Variants in TDRD5 observed in about 807,000 individuals in gnomAD.
TDRD5 encodes the protein tudor domain containing 5.
A neutral mutation model predicts 120.6 loss-of-function variants in TDRD5; 41 were observed. That is an observed-to-expected ratio of 0.34 (90% CI 0.26 to 0.44). TDRD5 has a LOEUF of 0.44. Ranked by LOEUF, TDRD5 falls within the 20% of genes least tolerant of loss-of-function variation. The probability of loss-of-function intolerance (pLI) is 1.00; values close to 1 mark genes in which losing one functional copy is unlikely to be tolerated. For synonymous variants in TDRD5, 430 were observed against 433.7 expected (o/e 0.99, Z 0.11); for missense variants, 1,006 against 1,221.2 (o/e 0.82, Z 2.63).
intron 7 of TDRD5, among the ~76,000 whole-genome samples, chr1:179,633,839 A>T (rs1276062897): frequency 6.6e-6 from 1 of 152,110 alleles, no homozygotes; most frequent in Non-Finnish European, 1.5e-5. Flanking sequence ...AGTAAATTGA[A>T]ATCAAGATGC....
At chr1:179,601,076 C>T (rs937891308) in intron 4 of TDRD5, among the ~76,000 whole-genome samples, 4 of 151,962 alleles carry the variant, frequency 2.6e-5, no homozygotes, top group African/African-American at 9.7e-5. Flanking sequence ...ATGTATTTTG[C>T]TATATTTGAG....
chr1:179,629,893 G>T (rs1677340336), intron 6 of TDRD5, among the ~76,000 whole-genome samples: 1 of 151,668 alleles, frequency 6.6e-6, no homozygotes, highest in South Asian at 2.1e-4. Context: ...TCTTCATTTG[G>T]TATGACTTTT....
intron 17 of TDRD5, among the ~76,000 whole-genome samples, chr1:179,671,191 T>G (rs1430671121): frequency 1.3e-5 from 2 of 152,232 alleles, no homozygotes; most frequent in African/African-American, 2.4e-5. Flanking sequence ...TTCCATTTTG[T>G]CCTCTTGGTC....
intron 8 of TDRD5, 94 bp downstream of exon 8, chr1:179,634,723 G>C: frequency 7.2e-7 from 1 of 1,392,066 alleles, no homozygotes; most frequent in Non-Finnish European, 9.6e-7. Context: ...TTTTAGAAAA[G>C]TCTTATTTCT....
intron 3 of TDRD5, among the ~76,000 whole-genome samples, chr1:179,594,606 A>C (rs1675288818): frequency 6.6e-6 from 1 of 152,280 alleles, no homozygotes; most frequent in South Asian, 2.1e-4. Flanking sequence ...GACAATGTAC[A>C]GTTTACACAC....
At chr1:179,690,445 T>A (rs1029634043) in intron 17 of TDRD5, among the ~76,000 whole-genome samples, 2 of 152,244 alleles carry the variant, frequency 1.3e-5, no homozygotes, top group African/African-American at 4.8e-5. Context: ...TCGTTGTTCA[T>A]GGTATATTTT....
chr1:179,634,407 A>T, intron 7 of TDRD5, 50 bp from the exon 8 acceptor site: 2 of 1,557,796 alleles, frequency 1.3e-6, no homozygotes, highest in Non-Finnish European at 1.7e-6. Flanking sequence ...AGGCTGCTCT[A>T]TTGGCCATTT....
Position 179,645,258 on chromosome 1 carries a change from T to C in TDRD5, c.1800+4813T>C, listed in dbSNP as rs551714878. Among the ~76,000 whole-genome samples the C allele has an allele frequency of 5.4e-3, 814 of 151,054 alleles. 2 individuals carry two copies. The highest frequency in any genetic ancestry group is 0.019 in the African/African-American group (773 of 41,182). On this transcript the variant is annotated intron_variant, in intron 11 of 17. Coordinates refer to ENST00000444136, the MANE Select transcript of TDRD5 (RefSeq NM_001199085.3). ...CCGCCACTACGCCCGGCTAATTTTT[T>C]GTATTTTTAGTAGAGACGGGGTTTC...
intron 14 of TDRD5, among the ~76,000 whole-genome samples, chr1:179,656,688 C>A (rs1285715513): frequency 6.6e-6 from 1 of 152,142 alleles, no homozygotes; most frequent in Non-Finnish European, 1.5e-5. Flanking sequence ...CTCCAGTGAC[C>A]TATATGTTTG....
intron 14 of TDRD5, among the ~76,000 whole-genome samples, chr1:179,658,165 C>T (rs577235222): frequency 6.6e-6 from 1 of 152,150 alleles, no homozygotes; most frequent in South Asian, 2.1e-4. Flanking sequence ...ACAAGATTTC[C>T]TTCTTTTTAA....
intron 4 of TDRD5, among the ~76,000 whole-genome samples, chr1:179,607,559 A>G (rs1676043429): frequency 6.6e-6 from 1 of 151,742 alleles, no homozygotes; most frequent in Non-Finnish European, 1.5e-5. Flanking sequence ...TTTCTGTTTT[A>G]TATTTTTAGT....
intron 11 of TDRD5, among the ~76,000 whole-genome samples, chr1:179,650,064 T>C (rs1008800225): frequency 1.3e-5 from 2 of 152,152 alleles, no homozygotes; most frequent in African/African-American, 4.8e-5. Flanking sequence ...AGTTCTCCTG[T>C]AAACTCTCCA....
chr1:179,601,946 C>T (rs752389528), intron 4 of TDRD5, among the ~76,000 whole-genome samples: 2 of 152,232 alleles, frequency 1.3e-5, no homozygotes, highest in Non-Finnish European at 2.9e-5. Flanking sequence ...GCTGGGACTA[C>T]AGGCACACGC....
chr1:179,668,975 A>G (rs1043235836), intron 16 of TDRD5, among the ~76,000 whole-genome samples: 3 of 151,794 alleles, frequency 2.0e-5, no homozygotes, highest in Non-Finnish European at 4.4e-5. Context: ...CGATCTCCTG[A>G]CCTCGTGATC....
intron 17 of TDRD5, among the ~76,000 whole-genome samples, chr1:179,676,031 C>G (rs1680130441): frequency 1.3e-5 from 2 of 152,086 alleles, no homozygotes; most frequent in African/African-American, 4.8e-5. Context: ...TTTGGGAGCT[C>G]CAGTGTTAGG....
In TDRD5 at chr1:179,604,459, G is replaced by C. The variant is rs542591959; in HGVS notation, c.831+8641G>C. ...GTTTTTGTTTCTCTAGTTCCTTGAGGTATGACCTTAGAATGTCAGTTTGTG... is the reference window on the plus strand; with the variant it reads ...GTTTTTGTTTCTCTAGTTCCTTGAGCTATGACCTTAGAATGTCAGTTTGTG... On this transcript the variant is annotated intron_variant, in intron 4 of 17. Coordinates refer to ENST00000444136, the MANE Select transcript of TDRD5 (RefSeq NM_001199085.3). Among the ~76,000 whole-genome samples, 3 of 152,018 alleles carry C rather than the reference G, an allele frequency of 2.0e-5. No homozygotes were observed. The South Asian group carries it at 6.2e-4, about 32-fold the overall frequency.
intron 6 of TDRD5, among the ~76,000 whole-genome samples, chr1:179,623,555 T>C (rs1253567743): frequency 2.0e-5 from 3 of 151,390 alleles, no homozygotes; most frequent in African/African-American, 4.8e-5. Context: ...TTAAAACATT[T>C]AAGGAAGAAA....
At chr1:179,593,975 C>CCTACT in intron 3 of TDRD5, 108 bp downstream of exon 3, 1 of 1,390,602 alleles carries the variant, frequency 7.2e-7, no homozygotes, top group Non-Finnish European at 9.7e-7. Flanking sequence ...TACTTGCCAG[C>CCTACT]TGAGTGGTCT....
chr1:179,652,308 A>T (rs1558408201), intron 13 of TDRD5, 111 bp downstream of exon 13: 1 of 1,081,204 alleles, frequency 9.2e-7, no homozygotes, highest in Non-Finnish European at 1.3e-6. Context: ...GAAATTTTGC[A>T]CAGTGATCTT....
Sources: allele counts gnomAD v4.1 joint callset (sites outside exome capture counted in the v4.1 genomes callset), GRCh38; gene constraint gnomAD v4.1.1; transcripts MANE v1.5; gene names NCBI Gene and HGNC (gene_info 2026-07-23, HGNC 2026-07-21).